The following NOL4 variants were observed in gnomAD, a reference collection of about 807,000 sequenced individuals.
The protein encoded by NOL4 is nucleolar protein 4.
Under a neutral mutation model 75.9 loss-of-function variants are expected in NOL4, and 17 were observed. That is an observed-to-expected ratio of 0.22 (90% CI 0.15 to 0.34). The LOEUF is 0.34. NOL4 is among the 10% of genes least tolerant of loss of function. The pLI, the probability that NOL4 is intolerant of heterozygous loss-of-function variation, is 1.00. For synonymous variants in NOL4, 292 were observed against 289.9 expected (o/e 1.01, Z -0.07); for missense variants, 614 against 793.5 (o/e 0.77, Z 2.72).
chr18:34,176,291 A>G lies in NOL4; in HGVS notation c.265-46271T>C, dbSNP rs951150318. Among the ~76,000 whole-genome samples the G allele has an allele frequency of 2.0e-5, 3 of 152,200 alleles. No homozygotes were observed. In the East Asian group the frequency reaches 5.8e-4, roughly 29 times the overall value. On this transcript the variant is annotated intron_variant, in intron 1 of 10. Coordinates refer to ENST00000261592, the MANE Select transcript of NOL4 (RefSeq NM_003787.5). ...TGATATTATTATCTGAGGAACAAAAACAAGAATAACAAAGAAAAGTGAACA... is the reference window on the plus strand; with the variant it reads ...TGATATTATTATCTGAGGAACAAAAGCAAGAATAACAAAGAAAAGTGAACA...
chr18:33,954,430 G>A (rs139979836), intron 8 of NOL4, among the ~76,000 whole-genome samples: 1 of 151,960 alleles, frequency 6.6e-6, no homozygotes, highest in Non-Finnish European at 1.5e-5. Context: ...GTGGTAATAG[G>A]TATAATCTGT....
chr18:34,043,468 A>G (rs958614271), intron 5 of NOL4, among the ~76,000 whole-genome samples: 3 of 152,064 alleles, frequency 2.0e-5, no homozygotes, highest in African/African-American at 7.2e-5. Flanking sequence ...GTACCCAAGA[A>G]AAAACAATAA....
chr18:33,931,308 T>C (rs1414502090), intron 9 of NOL4, among the ~76,000 whole-genome samples: 4 of 152,282 alleles, frequency 2.6e-5, no homozygotes, highest in East Asian at 1.9e-4. Flanking sequence ...CTTGGGAACA[T>C]TGGGGAACTC....
At chr18:34,216,401 T>C (rs2036890795) in intron 1 of NOL4, among the ~76,000 whole-genome samples, 1 of 151,918 alleles carries the variant, frequency 6.6e-6, no homozygotes, top group Non-Finnish European at 1.5e-5. Flanking sequence ...CAATTGTATA[T>C]AAAATTCAAA....
intron 10 of NOL4, among the ~76,000 whole-genome samples, chr18:33,878,246 C>T (rs927260855): frequency 1.3e-5 from 2 of 152,072 alleles, no homozygotes; most frequent in African/African-American, 4.8e-5. Flanking sequence ...TTGGTAGCTG[C>T]CCCAGAGTGC....
At chr18:34,082,148 C>G (rs771061951) in intron 5 of NOL4, among the ~76,000 whole-genome samples, 2 of 152,104 alleles carry the variant, frequency 1.3e-5, no homozygotes, top group Admixed American at 1.3e-4. Flanking sequence ...AATGGTTGAG[C>G]CTGCAAAGCA....
intron 6 of NOL4, among the ~76,000 whole-genome samples, chr18:33,981,760 C>T (rs1050905214): frequency 2.0e-5 from 3 of 152,020 alleles, no homozygotes; most frequent in African/African-American, 7.2e-5. Context: ...TTAGAGGAAG[C>T]ATAAGTGGAG....
In NOL4 at chr18:33,870,418, G is replaced by A. The variant is rs1050897633; in HGVS notation, c.1723+12826C>T. Among the ~76,000 whole-genome samples, 4 of 151,908 alleles carry A rather than the reference G, an allele frequency of 2.6e-5. No homozygotes were observed. The South Asian group carries it at 8.3e-4, about 31-fold the overall frequency. On this transcript the variant is annotated intron_variant, in intron 10 of 10. Coordinates refer to ENST00000261592, the MANE Select transcript of NOL4 (RefSeq NM_003787.5). ...AGTTAGATTAGAGGAGTAAGTTCAA[G>A]AAATCTACTGTATGGCATAGTTAAT...
At chr18:34,157,084 C>T (rs892858295) in intron 1 of NOL4, 3 of 152,136 alleles carry the variant, frequency 2.0e-5, no homozygotes, top group Admixed American at 1.3e-4. Context: ...TCTCATTCTT[C>T]ATTTTGGTTT....
intron 9 of NOL4, among the ~76,000 whole-genome samples, chr18:33,884,515 C>T (rs1790351961): frequency 6.6e-6 from 1 of 151,804 alleles, no homozygotes; most frequent in African/African-American, 2.4e-5. Context: ...TATATATTTT[C>T]AATAGCAATA....
At chr18:33,858,658 T>C (rs549144347) in intron 10 of NOL4, among the ~76,000 whole-genome samples, 1 of 152,214 alleles carries the variant, frequency 6.6e-6, no homozygotes, top group South Asian at 2.1e-4. Flanking sequence ...TTTTTGATGA[T>C]AGAATTTTAG....
chr18:34,063,490 T>A (rs1172419870), intron 5 of NOL4, among the ~76,000 whole-genome samples: 1 of 152,098 alleles, frequency 6.6e-6, no homozygotes, highest in Non-Finnish European at 1.5e-5. Context: ...TTAATAAAAA[T>A]TTTACAATCT....
At chr18:34,107,294 T>A (rs2079335176) in intron 2 of NOL4, among the ~76,000 whole-genome samples, 2 of 152,300 alleles carry the variant, frequency 1.3e-5, no homozygotes, top group South Asian at 4.1e-4. Flanking sequence ...CATGTAATGG[T>A]CAAAAATGTT....
At chr18:34,137,779 T>TATATAC (rs1354745785) in intron 1 of NOL4, among the ~76,000 whole-genome samples, 80 of 147,154 alleles carry the variant, frequency 5.4e-4, no homozygotes, top group African/African-American at 1.8e-3. Flanking sequence ...ATATACGAAA[T>TATATAC]ACACACACAC....
At chr18:33,877,377 G>C (rs1317138624) in intron 10 of NOL4, among the ~76,000 whole-genome samples, 1 of 146,962 alleles carries the variant, frequency 6.8e-6, no homozygotes, top group Non-Finnish European at 1.5e-5. Context: ...CTACTCAGAC[G>C]ACTGAGGTGG....
intron 5 of NOL4, among the ~76,000 whole-genome samples, chr18:34,090,392 C>T (rs956148091): frequency 6.6e-6 from 1 of 152,002 alleles, no homozygotes; most frequent in Non-Finnish European, 1.5e-5. Context: ...CAGTTTCATA[C>T]AGTGATAAGT....
chr18:34,161,740 T>C (rs1322598685), intron 1 of NOL4, among the ~76,000 whole-genome samples: 1 of 152,104 alleles, frequency 6.6e-6, no homozygotes, highest in Non-Finnish European at 1.5e-5. Flanking sequence ...TTTGGAATAT[T>C]AATTCCTTGA....
chr18:34,041,358 C>T (rs571309371), intron 5 of NOL4, among the ~76,000 whole-genome samples: 83 of 152,006 alleles, frequency 5.5e-4, no homozygotes, highest in Non-Finnish European at 1.0e-3. Context: ...GCCTTTACCC[C>T]CAATCCCTAC....
intron 1 of NOL4, among the ~76,000 whole-genome samples, chr18:34,166,096 C>T (rs749993184): frequency 2.0e-5 from 3 of 151,878 alleles, no homozygotes; most frequent in Non-Finnish European, 2.9e-5. Context: ...AGTTAATAAA[C>T]AATATGATAT....
Sources: allele counts gnomAD v4.1 joint callset (sites outside exome capture counted in the v4.1 genomes callset), GRCh38; gene constraint gnomAD v4.1.1; transcripts MANE v1.5; gene names NCBI Gene and HGNC (gene_info 2026-07-23, HGNC 2026-07-21).